CNTN4: variants seen among roughly 807,000 people sequenced by gnomAD.
CNTN4 encodes the protein contactin 4.
In CNTN4, 77 loss-of-function variants were observed where a neutral mutation model predicts 122.5. The observed-to-expected ratio is 0.63, with a 90% CI of 0.52 to 0.76. The LOEUF is 0.76. Among genes scored for constraint, CNTN4 ranks in the 30% least tolerant of loss-of-function variants. The pLI, the probability that CNTN4 is intolerant of heterozygous loss-of-function variation, is 0.00. For missense variants in CNTN4, 1,256 were observed against 1,259.1 expected, an observed-to-expected ratio of 1.00 and a Z score of 0.04; for synonymous variants, 512 against 447.0, an observed-to-expected ratio of 1.15 and a Z score of -1.83.
chr3:3,009,654 C>T (rs986439500), intron 14 of CNTN4, among the ~76,000 whole-genome samples: 30 of 151,982 alleles, frequency 2.0e-4, no homozygotes, highest in South Asian at 4.2e-4. Context: ...AGGATGGTCT[C>T]GATCTCCTGA....
At chr3:2,650,150 A>G (rs1576342793) in intron 4 of CNTN4, among the ~76,000 whole-genome samples, 1 of 151,156 alleles carries the variant, frequency 6.6e-6, no homozygotes, top group African/African-American at 2.4e-5. Flanking sequence ...AGGTCAAAAT[A>G]TCAACCTTAC....
intron 4 of CNTN4, among the ~76,000 whole-genome samples, chr3:2,637,297 G>C (rs1272071684): frequency 6.6e-6 from 1 of 152,056 alleles, no homozygotes. Context: ...TAAGCTAATT[G>C]TAGAGGTACA....
At chr3:2,581,023 A>C (rs1283101672) in intron 4 of CNTN4, among the ~76,000 whole-genome samples, 1 of 152,152 alleles carries the variant, frequency 6.6e-6, no homozygotes, top group African/African-American at 2.4e-5. Context: ...CCATCTTGTA[A>C]AATACTCTGA....
chr3:2,981,166 C>A lies in CNTN4; in HGVS notation c.1359-7179C>A, dbSNP rs570573034. 2.9e-4 allele frequency among the ~76,000 whole-genome samples: 44 copies of A among 152,250 alleles called. No homozygotes were observed. The South Asian group carries it at 8.9e-3, about 31-fold the overall frequency. ...TTTTCGTTAAAAGGAAAACCTGGGC[C>A]GGGCGCGGTGGCTCACGCCTGTAGT... On this transcript the variant is annotated intron_variant, in intron 13 of 24. Coordinates refer to ENST00000418658, the MANE Select transcript of CNTN4 (RefSeq NM_175607.3).
At chr3:2,376,688 T>TTA (rs35914209) in intron 3 of CNTN4, among the ~76,000 whole-genome samples, 5 of 134,360 alleles carry the variant, frequency 3.7e-5, no homozygotes, top group African/African-American at 1.4e-4. Flanking sequence ...ACTTGTATGT[T>TTA]AAAAAAAAAA....
At chr3:2,628,573 T>C (rs1030175643) in intron 4 of CNTN4, among the ~76,000 whole-genome samples, 2 of 152,194 alleles carry the variant, frequency 1.3e-5, no homozygotes, top group African/African-American at 4.8e-5. Context: ...TTGCCATCAG[T>C]AGGGAGTGAT....
intron 13 of CNTN4, among the ~76,000 whole-genome samples, chr3:2,973,677 A>G (rs929582246): frequency 6.6e-6 from 1 of 152,032 alleles, no homozygotes; most frequent in East Asian, 1.9e-4. Context: ...GCCTGTTTGT[A>G]TATAAAGGAC....
chr3:2,481,215 A>G (rs2075996366), intron 3 of CNTN4, among the ~76,000 whole-genome samples: 1 of 151,374 alleles, frequency 6.6e-6, no homozygotes, highest in Non-Finnish European at 1.5e-5. Flanking sequence ...ATCTTGGCTC[A>G]CTGCAACCTC....
chr3:3,024,468 GTAGTCCTCA>G (rs1385168815), intron 14 of CNTN4, among the ~76,000 whole-genome samples: 1 of 137,218 alleles, frequency 7.3e-6, no homozygotes, highest in African/African-American at 2.7e-5. Context: ...TTTTTATTAT[GTAGTCCTCA>G]AAAGCCTCGG....
chr3:3,035,365 A>C (rs1375320119), intron 17 of CNTN4, among the ~76,000 whole-genome samples: 1 of 152,104 alleles, frequency 6.6e-6, no homozygotes, highest in Non-Finnish European at 1.5e-5. Context: ...CGTAACACAC[A>C]TTAAAAATAT....
At chr3:2,953,745 CCCTTAGTGAAAGGAG>C (rs2094770650) in intron 13 of CNTN4, among the ~76,000 whole-genome samples, 1 of 152,130 alleles carries the variant, frequency 6.6e-6, no homozygotes, top group Non-Finnish European at 1.5e-5. Flanking sequence ...ATTGTCTTCC[CCCTTAGTGAAAGGAG>C]AGGAAAGCAG....
At chr3:2,149,688 G>T (rs1027581606) in intron 2 of CNTN4, among the ~76,000 whole-genome samples, 8 of 152,108 alleles carry the variant, frequency 5.3e-5, no homozygotes, top group Non-Finnish European at 1.0e-4. Context: ...TTTAAGAATA[G>T]TAATGTTTAC....
At chr3:2,761,563 A>G (rs1391672650) in intron 6 of CNTN4, among the ~76,000 whole-genome samples, 6 of 151,886 alleles carry the variant, frequency 4.0e-5, no homozygotes, top group African/African-American at 1.5e-4. Context: ...TGAGTATTCT[A>G]GTATTTATTA....
chr3:2,306,428 G>T (rs570984419), intron 2 of CNTN4, among the ~76,000 whole-genome samples: 1 of 152,200 alleles, frequency 6.6e-6, no homozygotes, highest in Admixed American at 6.5e-5. Flanking sequence ...GTACTTGTTG[G>T]ACAGTTGTGT....
In CNTN4 at chr3:2,555,471, A is replaced by G. The variant is rs140687435; in HGVS notation, c.-88-15945A>G. 3.2e-3 allele frequency among the ~76,000 whole-genome samples: 483 copies of G among 152,372 alleles called. 3 individuals are homozygous for G. The highest frequency in any genetic ancestry group is 0.011 in the African/African-American group (455 of 41,598). On this transcript the variant is annotated intron_variant, in intron 3 of 24. Transcript: ENST00000418658. ...TTAGGGCATGGATAGTAGCAAAGGC[A>G]TAAAGACAAAGGTTAGAATATTATG...
chr3:2,522,805 A>G (rs552443348), intron 3 of CNTN4, among the ~76,000 whole-genome samples: 3 of 152,164 alleles, frequency 2.0e-5, no homozygotes, highest in African/African-American at 7.2e-5. Context: ...TTCCCTGTTC[A>G]GCCCACATGA....
intron 3 of CNTN4, among the ~76,000 whole-genome samples, chr3:2,400,404 A>AT (rs1553640862): frequency 2.2e-5 from 2 of 91,440 alleles, no homozygotes; most frequent in South Asian, 3.3e-4. Flanking sequence ...TATGTGTGTG[A>AT]ATATATATAT....
At chr3:2,945,768 C>G (rs1222014041) in intron 13 of CNTN4, among the ~76,000 whole-genome samples, 1 of 152,168 alleles carries the variant, frequency 6.6e-6, no homozygotes, top group Non-Finnish European at 1.5e-5. Context: ...GAAAGAAGGA[C>G]ACTTTAATTA....
At chr3:3,012,012 A>T (rs1399582712) in intron 14 of CNTN4, among the ~76,000 whole-genome samples, 1 of 152,192 alleles carries the variant, frequency 6.6e-6, no homozygotes, top group African/African-American at 2.4e-5. Context: ...GAAACAAATT[A>T]ACTGACTTAC....
Sources: gnomAD v4.1 joint callset for allele counts (sites outside exome capture counted in the v4.1 genomes callset) on GRCh38, gnomAD v4.1.1 for gene constraint, MANE v1.5 for transcripts, NCBI Gene and HGNC (gene_info 2026-07-23, HGNC 2026-07-21) for gene names.